The following PDSS2 variants were observed in gnomAD, a reference collection of about 807,000 sequenced individuals.
PDSS2 encodes the protein decaprenyl diphosphate synthase subunit 2, also known as all trans-polyprenyl-diphosphate synthase PDSS2.
In PDSS2, 31 loss-of-function variants were observed where a neutral mutation model predicts 44.5. The observed-to-expected ratio is 0.70, with a 90% CI of 0.52 to 0.94. The LOEUF is 0.94. PDSS2 is among the 40% of genes least tolerant of loss of function. PDSS2 has a pLI of 0.00. For synonymous variants in PDSS2, 157 were observed against 180.3 expected (o/e 0.87, Z 1.03); for missense variants, 452 against 482.2 (o/e 0.94, Z 0.59).
At chr6:107,162,128 G>A (rs1367880822) in intron 7 of PDSS2, among the ~76,000 whole-genome samples, 1 of 152,096 alleles carries the variant, frequency 6.6e-6, no homozygotes, top group Non-Finnish European at 1.5e-5. Flanking sequence ...GTTTTGACAT[G>A]CATCTCTGAA....
chr6:107,400,070 G>C (rs995072786), intron 1 of PDSS2, among the ~76,000 whole-genome samples: 1 of 152,086 alleles, frequency 6.6e-6, no homozygotes, highest in Non-Finnish European at 1.5e-5. Context: ...TGAGTGGGGG[G>C]AGTGTCTCCA....
At chr6:107,322,148 G>A (rs1777400177) in intron 2 of PDSS2, among the ~76,000 whole-genome samples, 1 of 152,208 alleles carries the variant, frequency 6.6e-6, no homozygotes. Flanking sequence ...GGAATTGCCT[G>A]TTGCTGTGTT....
chr6:107,159,451 C>G (rs1180835248), intron 7 of PDSS2, among the ~76,000 whole-genome samples: 2 of 143,538 alleles, frequency 1.4e-5, no homozygotes, highest in Non-Finnish European at 3.0e-5. Flanking sequence ...GAGTCTTGCT[C>G]TGTTGCCCAG....
intron 4 of PDSS2, among the ~76,000 whole-genome samples, chr6:107,241,772 C>A (rs1774443412): frequency 6.6e-6 from 1 of 152,166 alleles, no homozygotes. Context: ...TTCCTACTAC[C>A]CAGGATCTTC....
intron 6 of PDSS2, among the ~76,000 whole-genome samples, chr6:107,203,249 T>C (rs1470174774): frequency 1.3e-5 from 2 of 152,176 alleles, no homozygotes; most frequent in Non-Finnish European, 2.9e-5. Flanking sequence ...GGCTTAATTT[T>C]TTCTGTTATC....
intron 7 of PDSS2, among the ~76,000 whole-genome samples, chr6:107,156,476 G>A (rs1252885291): frequency 5.9e-5 from 9 of 152,150 alleles, no homozygotes; most frequent in Non-Finnish European, 1.5e-5. Flanking sequence ...TTACAGGCGT[G>A]AGCCACCATG....
intron 3 of PDSS2, among the ~76,000 whole-genome samples, chr6:107,257,046 G>C (rs148557835): frequency 1.2e-4 from 18 of 152,018 alleles, no homozygotes; most frequent in African/African-American, 2.9e-4. Flanking sequence ...TGGGTGTGGT[G>C]GTGGGCGACT....
chr6:107,306,031 G>A (rs1376701930), intron 2 of PDSS2, among the ~76,000 whole-genome samples: 2 of 152,132 alleles, frequency 1.3e-5, no homozygotes, highest in Non-Finnish European at 2.9e-5. Context: ...TTTGTTCAAT[G>A]TCATACAGAT....
intron 3 of PDSS2, among the ~76,000 whole-genome samples, chr6:107,272,719 C>T (rs950709787): frequency 6.6e-6 from 1 of 152,084 alleles, no homozygotes; most frequent in Non-Finnish European, 1.5e-5. Flanking sequence ...CGTGGTGGCT[C>T]ATGCCTTAAT....
chr6:107,418,990 A>G (rs1357738107), intron 1 of PDSS2, among the ~76,000 whole-genome samples: 1 of 152,092 alleles, frequency 6.6e-6, no homozygotes, highest in Non-Finnish European at 1.5e-5. Flanking sequence ...ATTTTGCTTC[A>G]GTGGTTCTCA....
At chr6:107,414,539 G>A (rs1780601373) in intron 1 of PDSS2, among the ~76,000 whole-genome samples, 1 of 152,230 alleles carries the variant, frequency 6.6e-6, no homozygotes, top group Non-Finnish European at 1.5e-5. Context: ...CAGAGAGCCA[G>A]ATAAAATAGG....
chr6:107,298,428 C>T (rs1052333971), intron 2 of PDSS2, among the ~76,000 whole-genome samples: 1 of 151,992 alleles, frequency 6.6e-6, no homozygotes, highest in Non-Finnish European at 1.5e-5. Context: ...ATGAAGCATA[C>T]AAGAGGATGC....
At chr6:107,430,469 C>A (rs988315876) in intron 1 of PDSS2, among the ~76,000 whole-genome samples, 10 of 152,018 alleles carry the variant, frequency 6.6e-5, no homozygotes, top group African/African-American at 2.4e-4. Context: ...CACTGCACTC[C>A]AGCCTGGGTG....
chr6:107,213,732 G>A (rs1361817875), intron 4 of PDSS2, among the ~76,000 whole-genome samples: 2 of 152,112 alleles, frequency 1.3e-5, no homozygotes, highest in Admixed American at 1.3e-4. Flanking sequence ...ACTCCAGCCT[G>A]GGCGAAAGAG....
At chr6:107,441,018 T>C (rs1263257569) in intron 1 of PDSS2, among the ~76,000 whole-genome samples, 2 of 152,312 alleles carry the variant, frequency 1.3e-5, no homozygotes, top group Admixed American at 6.5e-5. Context: ...CAGTAAGAAG[T>C]GTATTCTTTC....
chr6:107,271,062 T>C (rs759216800), intron 3 of PDSS2, among the ~76,000 whole-genome samples: 2 of 152,250 alleles, frequency 1.3e-5, no homozygotes, highest in Non-Finnish European at 2.9e-5. Context: ...ATATAAGTTA[T>C]GTTGCAGAGT....
intron 1 of PDSS2, among the ~76,000 whole-genome samples, chr6:107,385,062 G>A (rs568401864): frequency 6.6e-6 from 1 of 152,254 alleles, no homozygotes; most frequent in African/African-American, 2.4e-5. Context: ...TCAGAAAGAA[G>A]TACTTTTATA....
intron 3 of PDSS2, 110 bp from the exon 4 acceptor site, chr6:107,245,729 C>A: frequency 1.5e-6 from 1 of 664,132 alleles, no homozygotes; most frequent in South Asian, 2.1e-5. Flanking sequence ...CTGTGCTTGA[C>A]AGAAAAAATG....
intron 1 of PDSS2, among the ~76,000 whole-genome samples, chr6:107,390,925 T>C (rs922259413): frequency 6.6e-6 from 1 of 152,048 alleles, no homozygotes; most frequent in Admixed American, 6.6e-5. Flanking sequence ...TGTGATTTAG[T>C]AATAAATGAA....
Sources: gnomAD v4.1 joint callset for allele counts (sites outside exome capture counted in the v4.1 genomes callset) on GRCh38, gnomAD v4.1.1 for gene constraint, MANE v1.5 for transcripts, NCBI Gene and HGNC (gene_info 2026-07-23, HGNC 2026-07-21) for gene names.